The following DNAJC5B variants were observed in gnomAD, a reference collection of about 807,000 sequenced individuals.
DNAJC5B encodes DnaJ heat shock protein family (Hsp40) member C5 beta, also known as dnaJ homolog subfamily C member 5B.
DNAJC5B carries 23 observed loss-of-function variants against 24.7 expected under a neutral mutation model. That is an observed-to-expected ratio of 0.93 (90% CI 0.67 to 1.32). The LOEUF is 1.32. Among genes scored for constraint, DNAJC5B ranks in the 40% most tolerant of loss-of-function variants. DNAJC5B has a pLI of 0.00. For synonymous variants in DNAJC5B, 101 were observed against 90.1 expected (o/e 1.12, Z -0.68); for missense variants, 238 against 240.8 (o/e 0.99, Z 0.08).
chr8:66,081,132 G>A (rs1050814555), intron 5 of DNAJC5B, among the ~76,000 whole-genome samples: 54 of 152,180 alleles, frequency 3.5e-4, no homozygotes, highest in African/African-American at 1.1e-3. Context: ...ACCTCCGTGT[G>A]TCCATGTGTA....
intron 1 of DNAJC5B, among the ~76,000 whole-genome samples, chr8:66,043,267 A>G (rs1806652677): frequency 6.6e-6 from 1 of 152,338 alleles, no homozygotes; most frequent in East Asian, 1.9e-4. Context: ...TGAAGTTTGA[A>G]GGAACCCACT....
At chr8:66,064,660 C>T (rs1807151457) in intron 3 of DNAJC5B, among the ~76,000 whole-genome samples, 1 of 152,128 alleles carries the variant, frequency 6.6e-6, no homozygotes, top group Non-Finnish European at 1.5e-5. Flanking sequence ...ATATTTTGAG[C>T]TGTATGCAGC....
chr8:66,074,555 G>A (rs1020640685), intron 3 of DNAJC5B, among the ~76,000 whole-genome samples: 5 of 152,132 alleles, frequency 3.3e-5, no homozygotes, highest in African/African-American at 1.2e-4. Flanking sequence ...AGAGTGTAGA[G>A]ACATTTAGAA....
intron 5 of DNAJC5B, among the ~76,000 whole-genome samples, chr8:66,097,427 A>C (rs935413212): frequency 6.6e-6 from 1 of 151,874 alleles, no homozygotes; most frequent in Non-Finnish European, 1.5e-5. Context: ...CCTATTTCTG[A>C]CTTATACATT....
At chr8:66,096,224 A>G (rs1011360381) in intron 5 of DNAJC5B, among the ~76,000 whole-genome samples, 3 of 152,096 alleles carry the variant, frequency 2.0e-5, no homozygotes, top group Non-Finnish European at 4.4e-5. Flanking sequence ...CTCTGTGTCC[A>G]AATCTCTTCT....
intron 3 of DNAJC5B, among the ~76,000 whole-genome samples, chr8:66,071,614 T>A (rs1171641512): frequency 6.6e-6 from 1 of 152,186 alleles, no homozygotes; most frequent in Non-Finnish European, 1.5e-5. Context: ...GAGTGTAAAT[T>A]AGTTCCACCT....
Position 66,094,608 on chromosome 8 carries a change from CTT to C in DNAJC5B, c.506-5328_506-5327del, listed in dbSNP as rs1807911364. Among the ~76,000 whole-genome samples, 2 of 151,938 alleles carry C rather than the reference CTT, an allele frequency of 1.3e-5. 1 individual carries two copies. The highest frequency in any genetic ancestry group is 4.1e-4 in the South Asian group (2 of 4,834). ...CAGTTTTGATTCTTCCCCTCCATCT[CTT>C]ATCATTTTTTATTTTTTTTAAACCG... is the stretch of plus-strand genomic sequence containing the variant. On this transcript the variant is annotated intron_variant, in intron 5 of 5. Transcript: ENST00000276570.
chr8:66,061,616 T>C (rs1043889153), intron 3 of DNAJC5B, among the ~76,000 whole-genome samples: 1 of 150,866 alleles, frequency 6.6e-6, no homozygotes, highest in Non-Finnish European at 1.5e-5. Flanking sequence ...AGAGAGTGTG[T>C]GTGTGTGTGT....
chr8:66,092,931 AG>A (rs1807877097), intron 5 of DNAJC5B, among the ~76,000 whole-genome samples: 1 of 150,552 alleles, frequency 6.6e-6, no homozygotes, highest in Non-Finnish European at 1.5e-5. Flanking sequence ...TAGTGAGCAT[AG>A]TACCCAATAG....
At chr8:66,038,253 T>C (rs1484624287) in intron 1 of DNAJC5B, among the ~76,000 whole-genome samples, 2 of 152,216 alleles carry the variant, frequency 1.3e-5, no homozygotes, top group South Asian at 2.1e-4. Flanking sequence ...TATCAAATAA[T>C]GGATATGATA....
At chr8:66,082,615 G>T (rs190642501) in intron 5 of DNAJC5B, among the ~76,000 whole-genome samples, 2 of 152,080 alleles carry the variant, frequency 1.3e-5, no homozygotes, top group Non-Finnish European at 2.9e-5. Flanking sequence ...AGTAAACCAC[G>T]ATCCTGTTTG....
At chr8:66,087,453 C>A (rs557688991) in intron 5 of DNAJC5B, among the ~76,000 whole-genome samples, 2 of 152,098 alleles carry the variant, frequency 1.3e-5, no homozygotes, top group Admixed American at 1.3e-4. Context: ...TTTCACATTT[C>A]GAAACCAATC....
intron 5 of DNAJC5B, among the ~76,000 whole-genome samples, chr8:66,091,530 G>C (rs575367638): frequency 4.6e-5 from 7 of 152,272 alleles, no homozygotes; most frequent in South Asian, 2.1e-4. Context: ...TGCATGCCAG[G>C]CAAGGCAGGT....
At chr8:66,069,050 C>A (rs1197564656) in intron 3 of DNAJC5B, among the ~76,000 whole-genome samples, 1 of 151,494 alleles carries the variant, frequency 6.6e-6, no homozygotes, top group Non-Finnish European at 1.5e-5. Context: ...AATTAATCCC[C>A]AGTGGATTTG....
intron 1 of DNAJC5B, among the ~76,000 whole-genome samples, chr8:66,031,174 A>G (rs1007648280): frequency 3.3e-5 from 5 of 152,258 alleles, no homozygotes; most frequent in African/African-American, 1.2e-4. Flanking sequence ...AAAGAACTAT[A>G]CAAATAGAAG....
intron 1 of DNAJC5B, among the ~76,000 whole-genome samples, chr8:66,040,359 C>T (rs7836629): frequency 0.05 from 7,559 of 151,668 alleles, 610 homozygotes; most frequent in African/African-American, 0.17. Flanking sequence ...CACTGCACTC[C>T]AGCTTGGCAA....
chr8:66,044,463 A>G (rs1806682411), intron 2 of DNAJC5B, among the ~76,000 whole-genome samples: 1 of 151,700 alleles, frequency 6.6e-6, no homozygotes, highest in African/African-American at 2.4e-5. Context: ...GATATAGGTG[A>G]AGCTTCTTTT....
chr8:66,099,156 G>A (rs1808019552), intron 5 of DNAJC5B, among the ~76,000 whole-genome samples: 1 of 152,010 alleles, frequency 6.6e-6, no homozygotes, highest in African/African-American at 2.4e-5. Context: ...TTGAAGGTGA[G>A]GTCATTCACT....
At chr8:66,022,141 G>A (rs1161027619) in intron 1 of DNAJC5B, among the ~76,000 whole-genome samples, 1 of 152,150 alleles carries the variant, frequency 6.6e-6, no homozygotes, top group Admixed American at 6.5e-5. Context: ...AAAGAGAAGG[G>A]CCTTTTGGTT....
Sources: gnomAD v4.1 joint callset for allele counts (sites outside exome capture counted in the v4.1 genomes callset) on GRCh38, gnomAD v4.1.1 for gene constraint, MANE v1.5 for transcripts, NCBI Gene and HGNC (gene_info 2026-07-23, HGNC 2026-07-21) for gene names.